Variants in IDUA observed in about 807,000 individuals in gnomAD.
IDUA encodes alpha-L-iduronidase.
Under a neutral mutation model 68.9 loss-of-function variants are expected in IDUA, and 65 were observed. The ratio of observed to expected loss-of-function variants is 0.94; its 90% CI spans 0.77 to 1.16. The LOEUF (loss-of-function observed/expected upper bound fraction) is 1.16. Among genes scored for constraint, IDUA ranks in the 50% most tolerant of loss-of-function variants. The pLI is 0.00. For missense variants in IDUA, 1,046 were observed against 938.0 expected (o/e 1.12, Z -1.50); for synonymous variants, 529 against 433.6 (o/e 1.22, Z -2.73).
At chr4:1,000,818 A>G in intron 3 of IDUA, 64 bp from the exon 4 acceptor site, 1 of 1,477,282 alleles carries the variant, frequency 6.8e-7, no homozygotes, top group Non-Finnish European at 9.4e-7. Flanking sequence ...GTGCCGGAGC[A>G]CAGGCCTGGC....
chr4:1,004,110 C>G lies in IDUA; in HGVS notation c.1826C>G (p.Pro609Arg). 1 of 1,612,996 alleles carries G rather than the reference C, an allele frequency of 6.2e-7. No homozygotes were observed. Among genetic ancestry groups the G allele is most frequent in the Non-Finnish European group, 8.5e-7 (1 of 1,179,852 alleles). ...ACCTTCAACCTCTTTGTGTTCAGCCCAGGTGCGCCCACCACCCGCTGCCCT... is the reference window on the plus strand; with the variant it reads ...ACCTTCAACCTCTTTGTGTTCAGCCGAGGTGCGCCCACCACCCGCTGCCCT... ...PSTFNLFVFS[P>R]DTGAVSGSYR... The change falls in exon 13 of 14, where the codon CCA (proline) becomes CGA (arginine). Residue 609 changes from proline to arginine, a missense_variant and splice_region_variant. Pro to Arg is a moderately radical substitution (Grantham distance 103). Coordinates refer to ENST00000514224, the MANE Select transcript of IDUA (RefSeq NM_000203.5). This position sits in a 1 kb window ranked among gnomAD's most constrained non-coding sequence, Gnocchi z 5.0.
chr4:1,001,048 C>T (rs777201601), intron 4 of IDUA, 59 bp downstream of exon 4: 11 of 1,163,536 alleles, frequency 9.5e-6, no homozygotes, highest in Non-Finnish European at 1.4e-5. Context: ...GGGCAGGTTG[C>T]ACCCCTATCA....
In IDUA at chr4:987,187, G is replaced by A. The variant is rs886059750; in HGVS notation, c.103G>A (p.Asp35Asn). ...CGAGGCCCCGCACCTGGTGCATGTG[G>A]ACGCGGCCCGCGCGCTGTGGCCCCT... is the stretch of plus-strand genomic sequence containing the variant. ...PAEAPHLVHV[D>N]AARALWPLRR... The change falls in exon 1 of 14, where the codon GAC becomes AAC. Residue 35 changes from aspartate to asparagine, a missense_variant. Coordinates refer to ENST00000514224, the MANE Select transcript of IDUA (RefSeq NM_000203.5). 2 of 1,475,716 alleles carry A rather than the reference G, an allele frequency of 1.4e-6. No individual in the cohort carries two copies. The highest frequency in any genetic ancestry group is 4.8e-4 in the Middle Eastern group (2 of 4,196). 91.4% of individuals were successfully genotyped at this position (1,475,716 alleles called of 1,614,324 possible).
intron 4 of IDUA, 116 bp from the exon 5 acceptor site, chr4:1,001,352 A>G: frequency 1.1e-6 from 1 of 905,844 alleles, no homozygotes; most frequent in Non-Finnish European, 1.9e-6. Flanking sequence ...GCTGGCCTGC[A>G]TGGAGATGGG....
rs1369372456 is a variant in IDUA at position 1,001,076 on chromosome 4, T to C, written c.493+87T>C. ...CCCTATCACGCAGGCTGCTGCCTGG[T>C]CAGGAGATACATTGGTGGGCAGGCG... On this transcript the variant is annotated intron_variant, in intron 4 of 13. Transcript: ENST00000514224. 3 of 917,274 alleles carry C rather than the reference T, an allele frequency of 3.3e-6. No individual in the cohort carries two copies. In the Admixed American group the frequency reaches 5.6e-5, roughly 17 times the overall value. 56.8% of individuals were successfully genotyped at this position (917,274 alleles called of 1,614,324 possible). A position where few individuals can be genotyped will look rare whatever the true frequency, so the allele number is the denominator to read the frequency against.
upstream of IDUA, chr4:987,018 G>A: frequency 7.7e-7 from 1 of 1,298,784 alleles, no homozygotes; most frequent in Non-Finnish European, 1.0e-6. Flanking sequence ...TGCGCGCCCA[G>A]ACTCCGACCC....
chr4:990,680 C>G, intron 2 of IDUA: 1 of 441,462 alleles, frequency 2.3e-6, no homozygotes, highest in Non-Finnish European at 4.1e-6. Context: ...AAGGCAACCC[C>G]TTCCTGCTGC....
intron 2 of IDUA, among the ~76,000 whole-genome samples, chr4:999,405 G>A (rs1037109679): frequency 1.3e-5 from 2 of 152,258 alleles, no homozygotes; most frequent in African/African-American, 4.8e-5. Context: ...TGATTGTCAT[G>A]TGTGCATTCC....
Position 1,002,498 on chromosome 4 carries a change from C to A in IDUA, c.1189+13C>A. On this transcript the variant is annotated intron_variant, in intron 8 of 13. Transcript: ENST00000514224. ...CTGGCGCTGCTGGGTGAGCCGGGGCCGCTGGGGTGGGCCGGCCAGGGCCCT... is the reference window on the plus strand; with the variant it reads ...CTGGCGCTGCTGGGTGAGCCGGGGCAGCTGGGGTGGGCCGGCCAGGGCCCT... 1 of 1,516,220 alleles carries A rather than the reference C, an allele frequency of 6.6e-7. No individual in the cohort carries two copies. The highest frequency in any genetic ancestry group is 8.8e-7 in the Non-Finnish European group (1 of 1,133,326). The allele number at this position is 1,516,220 out of a possible 1,614,324, so 93.9% of individuals were successfully genotyped here.
Position 1,004,511 on chromosome 4 carries a change from T to A in IDUA, c.*118T>A. On this transcript the variant is annotated 3_prime_UTR_variant, in exon 14 of 14. Coordinates refer to ENST00000514224, the MANE Select transcript of IDUA (RefSeq NM_000203.5). This position sits in a 1 kb window ranked among gnomAD's most constrained non-coding sequence, Gnocchi z 5.0. The stretch of plus-strand genomic sequence containing the variant: ...GCAATATATTTTTATATTTTATTAT[T>A]TTCTTTTATATCTTGGTACCAACGC... 2 of 1,079,888 alleles carry A rather than the reference T, an allele frequency of 1.9e-6. No individual in the cohort carries two copies. Among genetic ancestry groups the A allele is most frequent in the Non-Finnish European group, 2.6e-6 (2 of 762,918 alleles). The allele number at this position is 1,079,888 out of a possible 1,614,324, so 66.9% of individuals were successfully genotyped here.
Position 987,988 on chromosome 4 carries a change from T to C in IDUA, c.299+39T>C, listed in dbSNP as rs1281087303. ...AGGGTCTGGGCGTCCCAGAGCCCCT[T>C]ACAGAGGCACAGATGGGAGGGGAGG... On this transcript the variant is annotated intron_variant, in intron 2 of 13. Transcript: ENST00000514224. 7.1e-6 allele frequency: 11 copies of C among 1,540,192 alleles called. No individual in the cohort carries two copies. In the Middle Eastern group the frequency reaches 7.8e-4, roughly 109 times the overall value.
Position 1,000,947 on chromosome 4 carries a change from G to A in IDUA, c.451G>A (p.Glu151Lys), listed in dbSNP as rs767339070. The A allele has an allele frequency of 9.3e-6, 15 of 1,613,328 alleles. No individual in the cohort carries two copies. The highest frequency in any genetic ancestry group is 1.3e-5 in the Non-Finnish European group (15 of 1,179,934). The stretch of plus-strand genomic sequence containing the variant: ...CTTTGAGGACAAGCAGCAGGTGTTT[G>A]AGTGGAAGGACTTGGTCTCCAGCCT... ...TDFEDKQQVFEWKDLVSSLAR... is the reference protein window; with the variant it reads ...TDFEDKQQVFKWKDLVSSLAR... The change falls in exon 4 of 14, where the codon GAG becomes AAG. Residue 151 changes from glutamate (E) to lysine (K), a missense_variant. Transcript: ENST00000514224.
Position 1,001,694 on chromosome 4 carries a change from A to T in IDUA, c.605A>T (p.Tyr202Phe). The T allele has an allele frequency of 6.2e-7, 1 of 1,600,728 alleles. No individual in the cohort carries two copies. The highest frequency in any genetic ancestry group is 8.5e-7 in the Non-Finnish European group (1 of 1,179,002). ...CCCGGCCCAGGCTTCCTGAACTACT[A>T]CGATGCCTGCTCGGAGGGTCTGCGC... Reference protein sequence around the residue: ...SMTMQGFLNYYDACSEGLRAA... With the variant: ...SMTMQGFLNYFDACSEGLRAA... Residue 202 changes from tyrosine (Y) to phenylalanine (F), a missense_variant, in exon 6 of 14, where the codon TAC (tyrosine) becomes TTC (phenylalanine). Coordinates refer to ENST00000514224, the MANE Select transcript of IDUA (RefSeq NM_000203.5).
chr4:992,332 T>G, intron 2 of IDUA: 1 of 399,666 alleles, frequency 2.5e-6, no homozygotes, highest in Non-Finnish European at 5.2e-6. Context: ...CACCCACCCC[T>G]CTGTCACCTG....
At chr4:988,911 C>A (rs1200621802) in intron 2 of IDUA, 1 of 1,605,130 alleles carries the variant, frequency 6.2e-7, no homozygotes, top group South Asian at 1.1e-5. Context: ...CACTGAGGAA[C>A]AGCTGCTCCT....
At chr4:989,821 G>T in intron 2 of IDUA, 1 of 1,580,048 alleles carries the variant, frequency 6.3e-7, no homozygotes, top group Admixed American at 1.8e-5. Flanking sequence ...CTCCTGGTTG[G>T]CACGCACAGA....
In IDUA at chr4:1,002,341, G is replaced by T. The variant is rs368454909; in HGVS notation, c.1045G>T (p.Asp349Tyr). The change falls in exon 8 of 14, where the codon GAC (aspartate) becomes TAC (tyrosine). Residue 349 changes from aspartate to tyrosine, a missense_variant. Transcript: ENST00000514224. ...CTTCCCCTACGCGCTCCTGAGCAAC[G>T]ACAATGCCTTCCTGAGCTACCACCC... ...SAFPYALLSNDNAFLSYHPHP... is the reference protein window; with the variant it reads ...SAFPYALLSNYNAFLSYHPHP... The T allele has an allele frequency of 1.2e-6, 2 of 1,613,182 alleles. No individual in the cohort carries two copies. The highest frequency in any genetic ancestry group is 1.7e-6 in the Non-Finnish European group (2 of 1,179,696).
rs571833399 is a variant in IDUA, at chr4:1,002,872, G to A, written c.1330G>A (p.Asp444Asn). Residue 444 changes from aspartate to asparagine, a missense_variant, in exon 9 of 14, where the codon GAC (aspartate) becomes AAC (asparagine). Transcript: ENST00000514224. ...WRAAVLIYAS[D>N]DTRAHPNRSV... ...CGCCGCGGTGCTGATCTACGCGAGC[G>A]ACGACACCCGCGCCCACCCCAACCG... 3.3e-5 allele frequency: 47 copies of A among 1,442,562 alleles called. No homozygotes were observed. The African/African-American group carries it at 6.4e-4, about 20-fold the overall frequency. The allele number at this position is 1,442,562 out of a possible 1,614,324, so 89.4% of individuals were successfully genotyped here. A position where few individuals can be genotyped will look rare whatever the true frequency, so the allele number is the denominator to read the frequency against.
At chr4:994,495 T>A (rs180999880) in intron 2 of IDUA, among the ~76,000 whole-genome samples, 1 of 151,354 alleles carries the variant, frequency 6.6e-6, no homozygotes, top group Admixed American at 6.6e-5. Context: ...TGGAGTACAG[T>A]GGCATGATCT....
Sources: allele counts gnomAD v4.1 joint callset (sites outside exome capture counted in the v4.1 genomes callset), GRCh38; gene constraint gnomAD v4.1.1; non-coding constraint Gnocchi (gnomAD v3.1); transcripts MANE v1.5; gene names NCBI Gene and HGNC (gene_info 2026-07-23, HGNC 2026-07-21).